CCDC138: variants seen among roughly 807,000 people sequenced by gnomAD.
CCDC138 encodes the protein coiled-coil domain-containing protein 138.
A neutral mutation model predicts 82.3 loss-of-function variants in CCDC138; 66 were observed. The ratio of observed to expected loss-of-function variants is 0.80; its 90% CI spans 0.66 to 0.98. The LOEUF (loss-of-function observed/expected upper bound fraction) is 0.98. CCDC138 is among the 50% of genes least tolerant of loss of function. CCDC138 has a pLI of 0.00. For synonymous variants in CCDC138, 297 were observed against 265.4 expected (o/e 1.12, Z -1.16); for missense variants, 816 against 758.9 (o/e 1.08, Z -0.88).
chr2:108,795,527 A>G (rs898449332), intron 5 of CCDC138, among the ~76,000 whole-genome samples: 3 of 152,252 alleles, frequency 2.0e-5, no homozygotes, highest in Admixed American at 6.5e-5. Context: ...TGTAATGCGC[A>G]GTATCTGTTT....
intron 11 of CCDC138, among the ~76,000 whole-genome samples, chr2:108,840,402 C>CT (rs1336979656): frequency 2.6e-5 from 4 of 152,092 alleles, no homozygotes; most frequent in Non-Finnish European, 5.9e-5. Flanking sequence ...ATTATGTAGA[C>CT]TAAGTGTTCA....
At chr2:108,794,942 G>C (rs1680609242) in intron 5 of CCDC138, among the ~76,000 whole-genome samples, 1 of 151,996 alleles carries the variant, frequency 6.6e-6, no homozygotes, top group African/African-American at 2.4e-5. Flanking sequence ...GTAGGTGTGT[G>C]TTTCAGACTG....
downstream of CCDC138, among the ~76,000 whole-genome samples, chr2:108,880,203 A>C (rs1342232518): frequency 1.2e-5 from 1 of 82,704 alleles, no homozygotes. Context: ...AAAAAAAAAA[A>C]CAACAACAAA....
chr2:108,788,860 G>A lies in CCDC138; in HGVS notation c.160G>A (p.Asp54Asn), dbSNP rs1169216699. ...TTCTTTGTCGTTGACAGGTGATTTG[G>A]ATATCTACTCTGGAGATAAAGTTGG... Reference protein sequence around the residue: ...RRTLTSPGDLDIYSGDKVGSS... With the variant: ...RRTLTSPGDLNIYSGDKVGSS... The change falls in exon 3 of 15, where the codon GAT (aspartate) becomes AAT (asparagine). Residue 54 changes from aspartate (D) to asparagine (N), a missense_variant. Coordinates refer to ENST00000295124, the MANE Select transcript of CCDC138 (RefSeq NM_144978.3). 2 of 1,613,906 alleles carry A rather than the reference G, an allele frequency of 1.2e-6. No individual in the cohort carries two copies. The highest frequency in any genetic ancestry group is 4.5e-5 in the East Asian group (2 of 44,872).
intron 13 of CCDC138, among the ~76,000 whole-genome samples, chr2:108,869,943 A>AGATG (rs1230419902): frequency 6.6e-6 from 1 of 152,232 alleles, no homozygotes; most frequent in East Asian, 1.9e-4. Flanking sequence ...ATAAATCTTC[A>AGATG]GAAACTATCC....
Position 108,798,416 on chromosome 2 carries a change from A to G in CCDC138, c.577-12A>G. On this transcript the variant is annotated splice_polypyrimidine_tract_variant and intron_variant, in intron 5 of 14. Transcript: ENST00000295124. Reference sequence around the variant, plus strand: ...CTTTTCAAGAGCATTAAAGTCTGGCATTTTGATACAGTGTGAAACTGCAGC... The same window carrying G: ...CTTTTCAAGAGCATTAAAGTCTGGCGTTTTGATACAGTGTGAAACTGCAGC... 6.2e-7 allele frequency: 1 copy of G among 1,600,804 alleles called. No homozygotes were observed. Among genetic ancestry groups the G allele is most frequent in the Non-Finnish European group, 8.5e-7 (1 of 1,173,994 alleles).
intron 12 of CCDC138, among the ~76,000 whole-genome samples, chr2:108,855,811 T>C (rs1287476968): frequency 6.6e-6 from 1 of 152,202 alleles, no homozygotes; most frequent in African/African-American, 2.4e-5. Context: ...AAAGAAGAAA[T>C]GCAACATGAA....
intron 10 of CCDC138, among the ~76,000 whole-genome samples, chr2:108,838,102 C>T (rs1558705090): frequency 6.6e-6 from 1 of 151,996 alleles, no homozygotes; most frequent in Admixed American, 6.6e-5. Flanking sequence ...TAGGGGTGGT[C>T]CCTAGTGACT....
At chr2:108,839,347 T>C in intron 11 of CCDC138, 46 bp downstream of exon 11, 1 of 1,466,246 alleles carries the variant, frequency 6.8e-7, no homozygotes, top group East Asian at 2.3e-5. Flanking sequence ...CTCCACCTAA[T>C]ATTACTTCTT....
intron 4 of CCDC138, among the ~76,000 whole-genome samples, chr2:108,793,904 C>T (rs946405215): frequency 6.6e-6 from 1 of 151,972 alleles, no homozygotes; most frequent in Non-Finnish European, 1.5e-5. Context: ...GCCCTGCCAC[C>T]CTCAGGAAAC....
At chr2:108,789,956 T>A (rs149456969) in intron 3 of CCDC138, among the ~76,000 whole-genome samples, 1 of 152,368 alleles carries the variant, frequency 6.6e-6, no homozygotes, top group East Asian at 1.9e-4. Context: ...TATCCATATA[T>A]AACATGAAAT....
At chr2:108,837,296 G>T (rs77743706) in intron 10 of CCDC138, among the ~76,000 whole-genome samples, 1 of 152,142 alleles carries the variant, frequency 6.6e-6, no homozygotes, top group Non-Finnish European at 1.5e-5. Flanking sequence ...AAATAATCGT[G>T]TGGGTTTTGT....
intron 13 of CCDC138, among the ~76,000 whole-genome samples, chr2:108,859,092 G>A (rs761042644): frequency 5.9e-5 from 9 of 152,004 alleles, no homozygotes; most frequent in African/African-American, 1.9e-4. Context: ...AGTAATAGCC[G>A]TTCTGACTAG....
intron 10 of CCDC138, among the ~76,000 whole-genome samples, chr2:108,833,090 A>T (rs930874674): frequency 3.9e-5 from 6 of 152,246 alleles, no homozygotes; most frequent in African/African-American, 1.2e-4. Context: ...TAAAGAGATC[A>T]GTAGCTGCCA....
chr2:108,838,041 G>A (rs1688861938), intron 10 of CCDC138, among the ~76,000 whole-genome samples: 1 of 152,026 alleles, frequency 6.6e-6, no homozygotes, highest in African/African-American at 2.4e-5. Flanking sequence ...TGCAGGGCAG[G>A]GTGAATAAAT....
chr2:108,882,979 A>G (rs967548743), intron 2 of CCDC138: 8 of 151,964 alleles, frequency 5.3e-5, no homozygotes, highest in Admixed American at 3.3e-4. Flanking sequence ...GGATGGCGCA[A>G]GTCAGGTGGG....
intron 7 of CCDC138, among the ~76,000 whole-genome samples, chr2:108,810,788 C>T (rs1031766706): frequency 6.6e-6 from 1 of 152,166 alleles, no homozygotes; most frequent in African/African-American, 2.4e-5. Flanking sequence ...TTTAAAAGTA[C>T]AGTTCAGCAG....
chr2:108,869,767 T>C (rs1353656175), intron 13 of CCDC138, among the ~76,000 whole-genome samples: 1 of 152,002 alleles, frequency 6.6e-6, no homozygotes, highest in Admixed American at 6.6e-5. Flanking sequence ...TTAAGCACAC[T>C]CCCTACACCG....
At chr2:108,817,480 A>G (rs1684987447) in intron 10 of CCDC138, among the ~76,000 whole-genome samples, 2 of 151,858 alleles carry the variant, frequency 1.3e-5, no homozygotes, top group South Asian at 4.2e-4. Context: ...TTTAGTAGAG[A>G]CGGGGTTGCA....
Sources: allele counts gnomAD v4.1 joint callset (sites outside exome capture counted in the v4.1 genomes callset), GRCh38; gene constraint gnomAD v4.1.1; transcripts MANE v1.5; gene names NCBI Gene and HGNC (gene_info 2026-07-23, HGNC 2026-07-21).